The following MARCHF3 variants were observed in gnomAD, a reference collection of about 807,000 sequenced individuals.
MARCHF3 encodes membrane associated ring-CH-type finger 3.
In MARCHF3, 13 loss-of-function variants were observed where a neutral mutation model predicts 24.2. That is an observed-to-expected ratio of 0.54 (90% CI 0.35 to 0.85). The LOEUF is 0.85. Ranked by LOEUF, MARCHF3 falls within the 40% of genes least tolerant of loss-of-function variation. The probability of loss-of-function intolerance (pLI) is 0.01; values close to 1 mark genes in which losing one functional copy is unlikely to be tolerated. For missense variants in MARCHF3, 276 were observed against 325.0 expected, an observed-to-expected ratio of 0.85 and a Z score of 1.16; for synonymous variants, 144 against 137.3, an observed-to-expected ratio of 1.05 and a Z score of -0.34.
intron 3 of MARCHF3, among the ~76,000 whole-genome samples, chr5:126,892,685 T>G (rs1218637547): frequency 3.3e-5 from 5 of 149,898 alleles, no homozygotes; most frequent in Admixed American, 2.0e-4. Context: ...GCTGGATTCG[T>G]TTTGCCAGTA....
intron 1 of MARCHF3, among the ~76,000 whole-genome samples, chr5:127,024,880 T>A (rs1165611721): frequency 6.6e-6 from 1 of 152,340 alleles, no homozygotes; most frequent in Non-Finnish European, 1.5e-5. Flanking sequence ...TCACTTGAAA[T>A]ATGTTTATAT....
intron 4 of MARCHF3, among the ~76,000 whole-genome samples, chr5:126,875,570 C>T (rs9637916): frequency 0.18 from 27,916 of 152,262 alleles, 2,817 homozygotes; most frequent in Admixed American, 0.26. Context: ...TTCTGAATTA[C>T]GGCTCTTGCC....
intron 3 of MARCHF3, among the ~76,000 whole-genome samples, chr5:126,879,085 C>T (rs1351904801): frequency 2.0e-5 from 3 of 152,156 alleles, no homozygotes; most frequent in Non-Finnish European, 4.4e-5. Context: ...ATCCTGAATA[C>T]TAAAGCTCAG....
At chr5:126,946,273 G>A in intron 1 of MARCHF3, 1 of 150,536 alleles carries the variant, frequency 6.6e-6, no homozygotes, top group East Asian at 2.0e-4. Flanking sequence ...TCAGGAGGCT[G>A]AGGCAGGAGA....
At chr5:126,900,441 G>T (rs1285713900) in intron 3 of MARCHF3, among the ~76,000 whole-genome samples, 3 of 152,006 alleles carry the variant, frequency 2.0e-5, no homozygotes, top group Non-Finnish European at 4.4e-5. Context: ...AGACTCCAGA[G>T]AACTAGCTCT....
At chr5:126,936,137 C>A (rs1485531985) in intron 1 of MARCHF3, among the ~76,000 whole-genome samples, 3 of 152,002 alleles carry the variant, frequency 2.0e-5, no homozygotes, top group Non-Finnish European at 4.4e-5. Context: ...GGTGATGAGC[C>A]TTCACACCTC....
chr5:126,979,245 T>C (rs985135496), intron 1 of MARCHF3, among the ~76,000 whole-genome samples: 6 of 152,224 alleles, frequency 3.9e-5, no homozygotes, highest in Admixed American at 2.6e-4. Flanking sequence ...CTTTAGGACA[T>C]GGACCACATG....
intron 1 of MARCHF3, among the ~76,000 whole-genome samples, chr5:126,923,015 C>A (rs912990628): frequency 6.6e-6 from 1 of 152,136 alleles, no homozygotes; most frequent in Non-Finnish European, 1.5e-5. Context: ...CCTGACCCCA[C>A]GGCCTTCAGA....
chr5:126,931,428 G>C (rs977690448), intron 1 of MARCHF3, among the ~76,000 whole-genome samples: 52 of 152,266 alleles, frequency 3.4e-4, no homozygotes, highest in African/African-American at 1.2e-3. Flanking sequence ...CAAGCAATTT[G>C]GTTCCCAAAG....
intron 1 of MARCHF3, among the ~76,000 whole-genome samples, chr5:126,989,289 CTACTACTACTACTACTAG>C (rs1316870321): frequency 6.7e-6 from 1 of 148,582 alleles, no homozygotes; most frequent in Non-Finnish European, 1.5e-5. Flanking sequence ...TAGAATACTA[CTACTACTACTACTACTAG>C]TACTACTACT....
intron 1 of MARCHF3, among the ~76,000 whole-genome samples, chr5:126,934,244 T>C (rs1749566852): frequency 1.3e-5 from 2 of 152,332 alleles, no homozygotes; most frequent in South Asian, 4.1e-4. Context: ...TGGCATATAA[T>C]GGGCACTTAA....
chr5:126,914,145 G>A (rs989672893), intron 3 of MARCHF3, among the ~76,000 whole-genome samples: 43 of 151,644 alleles, frequency 2.8e-4, no homozygotes, highest in Admixed American at 4.6e-4. Context: ...CACCATGCCC[G>A]GCTAATTTTT....
chr5:126,991,479 A>G (rs976677987), intron 1 of MARCHF3, among the ~76,000 whole-genome samples: 2 of 152,208 alleles, frequency 1.3e-5, no homozygotes, highest in African/African-American at 2.4e-5. Context: ...GCAAACCAAC[A>G]TGGCACATGT....
At position 126,918,580 on chromosome 5, in the gene MARCHF3, C is replaced by T. The variant is rs542323578; in HGVS notation, c.-56-353G>A. Among the ~76,000 whole-genome samples, 106 of 152,310 alleles carry T rather than the reference C, an allele frequency of 7.0e-4. 1 individual carries two copies. Among genetic ancestry groups the T allele is most frequent in the African/African-American group, 2.4e-3 (101 of 41,558 alleles). On this transcript the variant is annotated intron_variant, in intron 1 of 4. Transcript: ENST00000308660. ...TAGAGAAGCAATAAGTTTTTGTTGA[C>T]ACTCTCTAAAAGTTACTAAAATCAT...
intron 3 of MARCHF3, among the ~76,000 whole-genome samples, chr5:126,909,647 C>G (rs1464216731): frequency 1.3e-5 from 2 of 152,180 alleles, no homozygotes; most frequent in Non-Finnish European, 2.9e-5. Flanking sequence ...CTTGCACTTC[C>G]CAATGCCTCA....
intron 1 of MARCHF3, among the ~76,000 whole-genome samples, chr5:126,940,745 C>A (rs970123559): frequency 2.7e-5 from 4 of 150,644 alleles, no homozygotes; most frequent in African/African-American, 9.9e-5. Flanking sequence ...CTGTGCCCGG[C>A]CTAACTTTTT....
rs1264077722 is a variant in MARCHF3 at position 126,889,913 on chromosome 5, G to A, written c.394-11519C>T. 3.3e-5 allele frequency among the ~76,000 whole-genome samples: 5 copies of A among 152,176 alleles called. No homozygotes were observed. In the East Asian group the frequency reaches 5.8e-4, roughly 18 times the overall value. On this transcript the variant is annotated intron_variant, in intron 3 of 4. Transcript: ENST00000308660. ...ATTTGGAATGTGTGAGGCACTCCCTGTTCACATTGTCTAAGCTGTTCATGA... is the reference window on the plus strand; with the variant it reads ...ATTTGGAATGTGTGAGGCACTCCCTATTCACATTGTCTAAGCTGTTCATGA...
At chr5:126,926,431 A>T (rs940497299) in intron 1 of MARCHF3, among the ~76,000 whole-genome samples, 2 of 152,126 alleles carry the variant, frequency 1.3e-5, no homozygotes, top group Non-Finnish European at 2.9e-5. Flanking sequence ...CAAGATAAGC[A>T]AGGTCACTCA....
At chr5:127,015,905 A>C (rs1356649908) in intron 1 of MARCHF3, among the ~76,000 whole-genome samples, 1 of 152,106 alleles carries the variant, frequency 6.6e-6, no homozygotes, top group African/African-American at 2.4e-5. Flanking sequence ...TTGGACATGC[A>C]TCCTCTGCTT....
Sources: gnomAD v4.1 joint callset for allele counts (sites outside exome capture counted in the v4.1 genomes callset) on GRCh38, gnomAD v4.1.1 for gene constraint, MANE v1.5 for transcripts, NCBI Gene and HGNC (gene_info 2026-07-23, HGNC 2026-07-21) for gene names.